The following C20orf96 variants were observed in gnomAD, a reference collection of about 807,000 sequenced individuals.
The protein encoded by C20orf96 is uncharacterized protein C20orf96.
Under a neutral mutation model 52.6 loss-of-function variants are expected in C20orf96, and 57 were observed. The observed-to-expected ratio is 1.08, with a 90% CI of 0.88 to 1.35. C20orf96 has a LOEUF of 1.35. Among genes scored for constraint, C20orf96 ranks in the 40% most tolerant of loss-of-function variants. The pLI is 0.00. For missense variants in C20orf96, 478 were observed against 443.6 expected (o/e 1.08, Z -0.70); for synonymous variants, 168 against 157.2 (o/e 1.07, Z -0.51).
intron 7 of C20orf96, 25 bp downstream of exon 7, chr20:277,201 G>A (rs748291855): frequency 3.7e-6 from 6 of 1,613,992 alleles, no homozygotes; most frequent in South Asian, 1.1e-5. Flanking sequence ...ACAGTCTGGT[G>A]GGAGAGGGGC....
At chr20:280,956 A>T (rs1479125602) in intron 4 of C20orf96, among the ~76,000 whole-genome samples, 3 of 152,270 alleles carry the variant, frequency 2.0e-5, no homozygotes, top group Non-Finnish European at 2.9e-5. Context: ...GGAGTTCAAG[A>T]CCAGCCTGGG....
chr20:290,727 G>C lies in C20orf96; in HGVS notation c.-117C>G, dbSNP rs376112923. On this transcript the variant is annotated 5_prime_UTR_variant, in exon 1 of 11. Coordinates refer to ENST00000360321, the MANE Select transcript of C20orf96 (RefSeq NM_153269.3). ...ATCGCGCGGTAACCCAGGCCACTCA[G>C]AAGTCCCGAGACCCGATGCTTTCGC... 2.6e-6 allele frequency: 3 copies of C among 1,143,264 alleles called. No individual in the cohort carries two copies. In the African/African-American group the frequency reaches 6.6e-5, roughly 25 times the overall value. 70.8% of individuals were successfully genotyped at this position (1,143,264 alleles called of 1,614,324 possible). A position where few individuals can be genotyped will look rare whatever the true frequency, so the allele number is the denominator to read the frequency against.
At chr20:277,776 G>A (rs973699133) in intron 6 of C20orf96, among the ~76,000 whole-genome samples, 3 of 147,114 alleles carry the variant, frequency 2.0e-5, no homozygotes, top group Non-Finnish European at 4.5e-5. Flanking sequence ...GCAGGATTAA[G>A]ACAAAGTCTA....
rs2277781 is a variant in C20orf96, at chr20:277,092, A to G, written c.777T>C (p.Ser259=). The change falls in exon 8 of 11, where the codon TCT becomes TCC. Residue 259 remains serine (S), a synonymous_variant. Coordinates refer to ENST00000360321, the MANE Select transcript of C20orf96 (RefSeq NM_153269.3). Reference sequence around the variant, plus strand: ...TTTTCTTCTTCTTCTGAATCTTGTCAGACAAGGATTCCAGGACCTTTCTGC... The same window carrying G: ...TTTTCTTCTTCTTCTGAATCTTGTCGGACAAGGATTCCAGGACCTTTCTGC... ...EMRRKVLESL[S]DKIQKKKKKI... The G allele has an allele frequency of 0.63, 1,019,966 of 1,613,600 alleles. 324,195 individuals are homozygous for G. The highest frequency in any genetic ancestry group is 0.73 in the African/African-American group (54,961 of 74,940).
chr20:287,908 CAAAAAAAAAAAA>C (rs71327437), intron 3 of C20orf96, among the ~76,000 whole-genome samples: 6 of 63,090 alleles, frequency 9.5e-5, no homozygotes, highest in African/African-American at 3.4e-4. Flanking sequence ...GACTCCTTCT[CAAAAAAAAAAAA>C]AAAAAAAAAA....
At chr20:287,930 A>AAAAAAAAAAAAAT (rs59746640) in intron 3 of C20orf96, among the ~76,000 whole-genome samples, 1 of 146,994 alleles carries the variant, frequency 6.8e-6, no homozygotes, top group Non-Finnish European at 1.5e-5. Context: ...AAAAAAAAAA[A>AAAAAAAAAAAAAT]GTCTTTCACA....
intron 3 of C20orf96, among the ~76,000 whole-genome samples, chr20:285,160 G>A (rs935514198): frequency 5.3e-5 from 8 of 152,186 alleles, no homozygotes; most frequent in Non-Finnish European, 1.2e-4. Flanking sequence ...CAGCAGCCAC[G>A]CAAAACTCCA....
chr20:287,260 G>C (rs1194719953), intron 3 of C20orf96, among the ~76,000 whole-genome samples: 1 of 152,188 alleles, frequency 6.6e-6, no homozygotes, highest in Non-Finnish European at 1.5e-5. Context: ...TTCCAGAGAG[G>C]CTGCATCATT....
chr20:277,290 G>T lies in C20orf96; in HGVS notation c.659C>A (p.Ser220Tyr). The change falls in exon 7 of 11, where the codon TCC becomes TAC. Residue 220 changes from serine to tyrosine, a missense_variant. Transcript: ENST00000360321. The stretch of plus-strand genomic sequence containing the variant: ...AGTGGAGATCTGGACAGACTTGATG[G>T]AATACTCATGGTCCATGTAAGTGCT... Reference protein sequence around the residue: ...FLSTYMDHEYSIKSVQISTLM... With the variant: ...FLSTYMDHEYYIKSVQISTLM... 1 of 1,614,004 alleles carries T rather than the reference G, an allele frequency of 6.2e-7. No individual in the cohort carries two copies. Among genetic ancestry groups the T allele is most frequent in the Non-Finnish European group, 8.5e-7 (1 of 1,179,988 alleles).
intron 1 of C20orf96, 132 bp from the exon 2 acceptor site, chr20:290,439 G>A (rs1296664264): frequency 2.0e-6 from 3 of 1,538,352 alleles, no homozygotes; most frequent in Non-Finnish European, 2.6e-6. Flanking sequence ...CCGCGGGAGT[G>A]GGGCGGGGCC....
chr20:286,342 C>A (rs1190889521), intron 3 of C20orf96, among the ~76,000 whole-genome samples: 4 of 152,060 alleles, frequency 2.6e-5, no homozygotes. Flanking sequence ...CATGGTGAAA[C>A]CCCATCTCTA....
chr20:281,518 C>T (rs1568492538), intron 4 of C20orf96, among the ~76,000 whole-genome samples: 1 of 152,212 alleles, frequency 6.6e-6, no homozygotes, highest in Non-Finnish European at 1.5e-5. Flanking sequence ...TAAAAACGAC[C>T]CCTTCCTAGC....
chr20:290,394 G>T, intron 1 of C20orf96, 87 bp from the exon 2 acceptor site: 2 of 1,571,896 alleles, frequency 1.3e-6, no homozygotes, highest in South Asian at 1.2e-5. Flanking sequence ...TTGGAGTCTC[G>T]AACCAGAAAC....
intron 5 of C20orf96, 121 bp downstream of exon 5, chr20:279,051 G>GATGCC (rs1162921299): frequency 5.0e-6 from 2 of 396,062 alleles, no homozygotes; most frequent in Non-Finnish European, 7.9e-6. Context: ...AGGGCGGGAG[G>GATGCC]GCGGGACGGA....
rs113499574 is a variant in C20orf96, at chr20:280,211, C to T, written c.307-881G>A. On this transcript the variant is annotated intron_variant, in intron 4 of 10. Coordinates refer to ENST00000360321, the MANE Select transcript of C20orf96 (RefSeq NM_153269.3). ...AGGTGCATAAAACCTACAGTAACAACAACAACAACAATTGTACTTCCCTAA... is the reference window on the plus strand; with the variant it reads ...AGGTGCATAAAACCTACAGTAACAATAACAACAACAATTGTACTTCCCTAA... Among the ~76,000 whole-genome samples, 204 of 134,556 alleles carry T rather than the reference C, an allele frequency of 1.5e-3. 4 individuals carry two copies. The highest frequency in any genetic ancestry group is 6.4e-3 in the African/African-American group (192 of 29,824). 88.3% of individuals were successfully genotyped at this position (134,556 alleles called of 152,430 possible).
chr20:278,555 G>A lies in C20orf96; in HGVS notation c.466-126C>T, dbSNP rs1008414041. On this transcript the variant is annotated intron_variant, in intron 5 of 10. Transcript: ENST00000360321. ...CCAGAAACCTGACCAGAGGCTAATC[G>A]GGACAGTAACAGTGTCCACCCATAG... 6.8e-6 allele frequency: 5 copies of A among 730,674 alleles called. No individual in the cohort carries two copies. The East Asian group carries it at 1.0e-4, about 15-fold the overall frequency. The allele number at this position is 730,674 out of a possible 1,614,324, so 45.3% of individuals were successfully genotyped here. A position where few individuals can be genotyped will look rare whatever the true frequency, so the allele number is the denominator to read the frequency against.
rs893176841 is a variant in C20orf96, at chr20:290,731, T to TC, written c.-122dup. ...CGCGGTAACCCAGGCCACTCAGAAG[T>TC]CCCGAGACCCGATGCTTTCGCCAGC... On this transcript the variant is annotated 5_prime_UTR_variant, in exon 1 of 11. Coordinates refer to ENST00000360321, the MANE Select transcript of C20orf96 (RefSeq NM_153269.3). The TC allele has an allele frequency of 3.9e-4, 468 of 1,192,456 alleles. 1 individual carries two copies. The highest frequency in any genetic ancestry group is 1.4e-3 in the Middle Eastern group (7 of 4,954). 73.9% of individuals were successfully genotyped at this position (1,192,456 alleles called of 1,614,324 possible).
At chr20:280,779 G>C (rs1265806367) in intron 4 of C20orf96, among the ~76,000 whole-genome samples, 1 of 152,214 alleles carries the variant, frequency 6.6e-6, no homozygotes, top group Non-Finnish European at 1.5e-5. Context: ...ATCTGGGCAA[G>C]TTAGTTAATG....
chr20:277,218 TC>T lies in C20orf96; in HGVS notation c.723+7del. 1.5e-5 allele frequency: 24 copies of T among 1,614,026 alleles called. No individual in the cohort carries two copies. The highest frequency in any genetic ancestry group is 1.9e-5 in the Non-Finnish European group (23 of 1,179,966). On this transcript the variant is annotated splice_region_variant and intron_variant, in intron 7 of 10. Coordinates refer to ENST00000360321, the MANE Select transcript of C20orf96 (RefSeq NM_153269.3). The stretch of plus-strand genomic sequence containing the variant: ...AGTCTGGTGGGAGAGGGGCAGGGGC[TC>T]CCCTACCTGCTGGCTGTCCTTAACC...
Sources: allele counts gnomAD v4.1 joint callset (sites outside exome capture counted in the v4.1 genomes callset), GRCh38; gene constraint gnomAD v4.1.1; transcripts MANE v1.5; gene names NCBI Gene and HGNC (gene_info 2026-07-23, HGNC 2026-07-21).